Variants in CDH12 observed in about 807,000 individuals in gnomAD.
CDH12 encodes the protein cadherin-12.
A neutral mutation model predicts 74.1 loss-of-function variants in CDH12; 41 were observed. That is an observed-to-expected ratio of 0.55 (90% CI 0.43 to 0.72). CDH12 has a LOEUF of 0.72. CDH12 is among the 30% of genes least tolerant of loss of function. CDH12 has a pLI of 0.00. For synonymous variants in CDH12, 399 were observed against 355.0 expected (o/e 1.12, Z -1.39); for missense variants, 945 against 977.2 (o/e 0.97, Z 0.44).
In CDH12 at chr5:22,389,899, C is replaced by T. The variant is rs921411284; in HGVS notation, c.-333+15358G>A. On this transcript the variant is annotated intron_variant, in intron 3 of 14. Coordinates refer to ENST00000382254, the MANE Select transcript of CDH12 (RefSeq NM_004061.5). ...TCCTGACCTCGTGATCTGCCCGCTT[C>T]GGTCTCCCAAAGCGCTGGGATTACA... Among the ~76,000 whole-genome samples the T allele has an allele frequency of 9.9e-5, 15 of 152,038 alleles. No homozygotes were observed. The South Asian group carries it at 1.2e-3, about 13-fold the overall frequency.
intron 1 of CDH12, among the ~76,000 whole-genome samples, chr5:22,513,968 A>T (rs1736709947): frequency 6.6e-6 from 1 of 151,520 alleles, no homozygotes; most frequent in South Asian, 2.1e-4. Context: ...AAAAAAAAAA[A>T]ATGCACAACA....
At chr5:22,351,980 T>G (rs1740372637) in intron 3 of CDH12, among the ~76,000 whole-genome samples, 1 of 152,132 alleles carries the variant, frequency 6.6e-6, no homozygotes. Context: ...CAGAATAAAT[T>G]TTATCTCACT....
chr5:22,783,619 T>C (rs1429894449), intron 1 of CDH12, among the ~76,000 whole-genome samples: 2 of 152,304 alleles, frequency 1.3e-5, no homozygotes, highest in African/African-American at 2.4e-5. Context: ...AAAATGATTG[T>C]AACATATGAT....
chr5:22,310,951 C>A (rs2120545), intron 3 of CDH12, among the ~76,000 whole-genome samples: 63,317 of 152,052 alleles, frequency 0.42, 13,881 homozygotes, highest in Admixed American at 0.52. Context: ...AGGCAGTATT[C>A]TGGTTAATTA....
At chr5:22,229,704 T>C (rs570148381) in intron 3 of CDH12, among the ~76,000 whole-genome samples, 5 of 152,234 alleles carry the variant, frequency 3.3e-5, no homozygotes, top group African/African-American at 1.2e-4. Context: ...TTGATTTACC[T>C]CAAATTTCAT....
At chr5:21,994,549 T>C (rs1172858063) in intron 5 of CDH12, among the ~76,000 whole-genome samples, 1 of 152,192 alleles carries the variant, frequency 6.6e-6, no homozygotes, top group Non-Finnish European at 1.5e-5. Context: ...TTCACAGATT[T>C]GGAACAAGTT....
chr5:21,910,583 T>C (rs1753819301), intron 6 of CDH12, among the ~76,000 whole-genome samples: 2 of 152,072 alleles, frequency 1.3e-5, no homozygotes, highest in African/African-American at 4.8e-5. Context: ...CCAAATCTGC[T>C]TTACCTGAGG....
At chr5:22,804,270 T>C (rs1471759356) in intron 1 of CDH12, among the ~76,000 whole-genome samples, 3 of 152,196 alleles carry the variant, frequency 2.0e-5, no homozygotes, top group Admixed American at 2.0e-4. Context: ...ACTGTTCCTA[T>C]GTTTAATATG....
intron 4 of CDH12, among the ~76,000 whole-genome samples, chr5:22,188,090 T>C (rs1318656932): frequency 2.0e-5 from 3 of 150,368 alleles, no homozygotes; most frequent in Non-Finnish European, 3.0e-5. Context: ...ATTCCCAGCA[T>C]GTAGGTGTTG....
chr5:22,196,626 C>G (rs1750633966), intron 4 of CDH12, among the ~76,000 whole-genome samples: 1 of 152,220 alleles, frequency 6.6e-6, no homozygotes, highest in African/African-American at 2.4e-5. Context: ...CATTTGCTCT[C>G]ATCAAAAAAG....
At chr5:22,090,602 T>TACAC (rs1405282683) in intron 4 of CDH12, among the ~76,000 whole-genome samples, 1 of 132,850 alleles carries the variant, frequency 7.5e-6, no homozygotes, top group African/African-American at 3.2e-5. Context: ...CACACATACA[T>TACAC]ACATACACAC....
chr5:22,533,986 G>A lies in CDH12; in HGVS notation c.-522-28622C>T, dbSNP rs376973756. 5.8e-4 allele frequency among the ~76,000 whole-genome samples: 88 copies of A among 152,124 alleles called. 2 individuals are homozygous for A. The South Asian group carries it at 0.018, about 31-fold the overall frequency. On this transcript the variant is annotated intron_variant, in intron 1 of 14. Coordinates refer to ENST00000382254, the MANE Select transcript of CDH12 (RefSeq NM_004061.5). ...TCTTATAAAATATGCAATAAGAACC[G>A]ACTTGTCTGGTTCCTCTTATGCTTT...
chr5:22,174,358 A>T (rs906056624), intron 4 of CDH12, among the ~76,000 whole-genome samples: 2 of 152,012 alleles, frequency 1.3e-5, no homozygotes, highest in African/African-American at 4.8e-5. Flanking sequence ...AGTTAAAATT[A>T]AAGCAAAAAC....
At chr5:22,768,270 G>A (rs569705343) in intron 1 of CDH12, among the ~76,000 whole-genome samples, 2 of 152,020 alleles carry the variant, frequency 1.3e-5, no homozygotes, top group Non-Finnish European at 2.9e-5. Flanking sequence ...ACTGTAGTTA[G>A]ATAACTCTAT....
At chr5:22,156,810 G>A (rs2150315621) in intron 4 of CDH12, among the ~76,000 whole-genome samples, 1 of 152,220 alleles carries the variant, frequency 6.6e-6, no homozygotes, top group East Asian at 1.9e-4. Flanking sequence ...GAGATGGCAA[G>A]CATTTTTTAC....
intron 3 of CDH12, among the ~76,000 whole-genome samples, chr5:22,230,316 A>G (rs1335677877): frequency 6.6e-6 from 1 of 152,070 alleles, no homozygotes; most frequent in Admixed American, 6.6e-5. Flanking sequence ...CACACAATAC[A>G]TAATATCATT....
At chr5:22,703,179 C>T (rs1323250392) in intron 1 of CDH12, among the ~76,000 whole-genome samples, 3 of 152,084 alleles carry the variant, frequency 2.0e-5, no homozygotes, top group Admixed American at 1.3e-4. Context: ...TAAAAAAGCA[C>T]CCCGTTCAAG....
intron 3 of CDH12, among the ~76,000 whole-genome samples, chr5:22,362,673 A>G (rs1240764295): frequency 6.6e-6 from 1 of 152,026 alleles, no homozygotes; most frequent in African/African-American, 2.4e-5. Flanking sequence ...AAAGACTTGG[A>G]ACCAACCCAA....
chr5:22,010,230 T>A (rs751478515), intron 5 of CDH12, among the ~76,000 whole-genome samples: 17 of 152,172 alleles, frequency 1.1e-4, no homozygotes, highest in Non-Finnish European at 2.5e-4. Flanking sequence ...TGTGAGTATA[T>A]CTTAAGCTAA....
Sources: allele counts gnomAD v4.1 joint callset (sites outside exome capture counted in the v4.1 genomes callset), GRCh38; gene constraint gnomAD v4.1.1; transcripts MANE v1.5; gene names NCBI Gene and HGNC (gene_info 2026-07-23, HGNC 2026-07-21).